The following MOB2 variants were observed in gnomAD, a reference collection of about 807,000 sequenced individuals.
MOB2 encodes the protein MOB kinase activator 2.
A neutral mutation model predicts 27.4 loss-of-function variants in MOB2; 14 were observed. The observed-to-expected ratio is 0.51, with a 90% CI of 0.34 to 0.80. The LOEUF is 0.80. MOB2 is among the 30% of genes least tolerant of loss of function. MOB2 has a pLI of 0.01. For missense variants in MOB2, 304 were observed against 354.6 expected (o/e 0.86, Z 1.15); for synonymous variants, 167 against 151.8 (o/e 1.10, Z -0.74).
chr11:1,474,357 C>T (rs1359918993), intron 3 of MOB2, among the ~76,000 whole-genome samples: 1 of 152,148 alleles, frequency 6.6e-6, no homozygotes, highest in Non-Finnish European at 1.5e-5. Context: ...TCTCTCCCAG[C>T]CTGGAGTTTG....
rs1166552039 is a variant in MOB2 at position 1,470,234 on chromosome 11, C to G, written c.745G>C (p.Gly249Arg). The G allele has an allele frequency of 6.2e-7, 1 of 1,612,420 alleles. No homozygotes were observed. Among genetic ancestry groups the G allele is most frequent in the Non-Finnish European group, 8.5e-7 (1 of 1,179,846 alleles). ...CSGAGGVHSGGSGDGAGSGGP... is the reference protein window; with the variant it reads ...CSGAGGVHSGRSGDGAGSGGP... ...CCGCTGCCGGCCCCATCCCCACTGC[C>G]CCCACTGTGGACCCCGCCGGCCCCG... The change falls in exon 5 of 5, where the codon GGC becomes CGC. Residue 249 changes from glycine to arginine, a missense_variant. Gly to Arg is a moderately radical substitution (Grantham distance 125). Transcript: ENST00000329957.
chr11:1,481,000 G>A (rs1243399648), intron 1 of MOB2, 115 bp from the exon 2 acceptor site: 7 of 1,288,564 alleles, frequency 5.4e-6, no homozygotes, highest in Non-Finnish European at 6.4e-6. Flanking sequence ...GCCCATCGGG[G>A]CGACACTGCC....
Position 1,471,424 on chromosome 11 carries a change from G to A in MOB2, c.366-5C>T. The A allele has an allele frequency of 1.2e-6, 2 of 1,609,366 alleles. No homozygotes were observed. Among genetic ancestry groups the A allele is most frequent in the Non-Finnish European group, 1.7e-6 (2 of 1,177,328 alleles). On this transcript the variant is annotated splice_polypyrimidine_tract_variant and splice_region_variant and intron_variant, in intron 3 of 4. Transcript: ENST00000329957. ...TCGTCATACCAGTAGTACTGTCTGTGGAGACAGAGACACGGTCAGGGCATG... is the reference window on the plus strand; with the variant it reads ...TCGTCATACCAGTAGTACTGTCTGTAGAGACAGAGACACGGTCAGGGCATG...
At position 1,480,495 on chromosome 11, in the gene MOB2, G is replaced by T; in HGVS notation, c.272-9C>A. 6.2e-7 allele frequency: 1 copy of T among 1,613,350 alleles called. No individual in the cohort carries two copies. The highest frequency in any genetic ancestry group is 1.3e-5 in the African/African-American group (1 of 75,072). On this transcript the variant is annotated splice_polypyrimidine_tract_variant and intron_variant, in intron 2 of 4. Coordinates refer to ENST00000329957, the MANE Select transcript of MOB2 (RefSeq NM_001172223.3). ...GTGGAAAAACGTCGTGGCTGGAAGA[G>T]AAGAGAAGGAGCCAGATGTGAAAAA...
Position 1,470,131 on chromosome 11 carries a change from C to A in MOB2, c.*41G>T. On this transcript the variant is annotated 3_prime_UTR_variant, in exon 5 of 5. Coordinates refer to ENST00000329957, the MANE Select transcript of MOB2 (RefSeq NM_001172223.3). ...AGATGCAGGAGAGAACACACACCAC[C>A]GTCTCTTTGCACACGTGTGCCCCTG... is the stretch of plus-strand genomic sequence containing the variant. 6.4e-7 allele frequency: 1 copy of A among 1,556,148 alleles called. No individual in the cohort carries two copies. Among genetic ancestry groups the A allele is most frequent in the Non-Finnish European group, 8.7e-7 (1 of 1,150,896 alleles).
chr11:1,470,251 C>T lies in MOB2; in HGVS notation c.728G>A (p.Gly243Asp). Residue 243 changes from glycine (G) to aspartate (D), a missense_variant, in exon 5 of 5, where the codon GGC becomes GAC. Transcript: ENST00000329957. ...CCCACTGCCCCCACTGTGGACCCCG[C>T]CGGCCCCGCTGCATAGCACCTCGGT... ...DLTEVLCSGA[G>D]GVHSGGSGDG... 1 of 1,612,684 alleles carries T rather than the reference C, an allele frequency of 6.2e-7. No homozygotes were observed. Among genetic ancestry groups the T allele is most frequent in the Non-Finnish European group, 8.5e-7 (1 of 1,179,860 alleles).
At chr11:1,473,512 G>A (rs1243102529) in intron 3 of MOB2, 1 of 152,276 alleles carries the variant, frequency 6.6e-6, no homozygotes, top group African/African-American at 2.4e-5. Flanking sequence ...GCACTCTGCA[G>A]GAGTCAGACA....
chr11:1,483,866 T>C (rs1281766178), intron 1 of MOB2, among the ~76,000 whole-genome samples: 1 of 152,128 alleles, frequency 6.6e-6, no homozygotes, highest in African/African-American at 2.4e-5. Flanking sequence ...CAGGGAGGCA[T>C]CAGAGCTGCT....
At position 1,486,453 on chromosome 11, in the gene MOB2, A is replaced by C; in HGVS notation, c.104T>G (p.Val35Gly). The C allele has an allele frequency of 6.5e-7, 1 of 1,535,474 alleles. No individual in the cohort carries two copies. Among genetic ancestry groups the C allele is most frequent in the Non-Finnish European group, 8.7e-7 (1 of 1,146,460 alleles). Reference sequence around the variant, plus strand: ...CCAGGCTGGCAGGTGTTACCTGAGCACTTTGCTGACAGCCTGAAGCACCAT... The same window carrying C: ...CCAGGCTGGCAGGTGTTACCTGAGCCCTTTGCTGACAGCCTGAAGCACCAT... ...CKMVLQAVSKVLRKSKAKPNG... is the reference protein window; with the variant it reads ...CKMVLQAVSKGLRKSKAKPNG... Residue 35 changes from valine (V) to glycine (G), a missense_variant, in exon 1 of 5, where the codon GTG becomes GGG. Coordinates refer to ENST00000329957, the MANE Select transcript of MOB2 (RefSeq NM_001172223.3).
At chr11:1,486,425 C>T in intron 1 of MOB2, 22 bp downstream of exon 1, 1 of 1,517,554 alleles carries the variant, frequency 6.6e-7, no homozygotes, top group East Asian at 2.5e-5. Context: ...ACCCCTCCCC[C>T]AGCCAGGCTG....
chr11:1,470,033 C>T lies in MOB2; in HGVS notation c.*139G>A. 1 of 1,534,368 alleles carries T rather than the reference C, an allele frequency of 6.5e-7. No individual in the cohort carries two copies. The highest frequency in any genetic ancestry group is 8.7e-7 in the Non-Finnish European group (1 of 1,145,478). ...GGGGCCGTCTGCGTCTGTGCCTGTG[C>T]AGCCCACACCAGTGCAGCCCGGGGC... On this transcript the variant is annotated 3_prime_UTR_variant, in exon 5 of 5. Coordinates refer to ENST00000329957, the MANE Select transcript of MOB2 (RefSeq NM_001172223.3).
intron 4 of MOB2, among the ~76,000 whole-genome samples, chr11:1,470,805 GC>G (rs35234421): frequency 0.28 from 42,492 of 152,118 alleles, 6,975 homozygotes; most frequent in East Asian, 0.63. Context: ...GGGCACTCGG[GC>G]CCCCGTGGTG....
intron 3 of MOB2, 159 bp from the exon 4 acceptor site, chr11:1,471,578 C>CTGCGGGG: frequency 1.2e-6 from 1 of 806,346 alleles, no homozygotes; most frequent in African/African-American, 1.7e-5. Context: ...ACTGTCCCCA[C>CTGCGGGG]ACACTGTCTG....
At position 1,471,279 on chromosome 11, in the gene MOB2, G is replaced by A. The variant is rs756546198; in HGVS notation, c.490+16C>T. The A allele has an allele frequency of 1.2e-6, 2 of 1,607,788 alleles. No individual in the cohort carries two copies. The highest frequency in any genetic ancestry group is 1.7e-6 in the Non-Finnish European group (2 of 1,177,052). On this transcript the variant is annotated intron_variant, in intron 4 of 4. Transcript: ENST00000329957. The stretch of plus-strand genomic sequence containing the variant: ...CCCACTGTGAGGATGACCGCCCAGT[G>A]CTGGGGGAGACGAACCGTATTTTGT...
chr11:1,483,728 C>G (rs1847940442), intron 1 of MOB2, among the ~76,000 whole-genome samples: 1 of 152,258 alleles, frequency 6.6e-6, no homozygotes, highest in Non-Finnish European at 1.5e-5. Flanking sequence ...ATGCCACCCT[C>G]CCCATTCTCG....
chr11:1,483,909 G>A (rs892243128), intron 1 of MOB2, among the ~76,000 whole-genome samples: 6 of 152,184 alleles, frequency 3.9e-5, no homozygotes, highest in Non-Finnish European at 7.3e-5. Context: ...CAACCACACA[G>A]TCAACACACA....
intron 3 of MOB2, among the ~76,000 whole-genome samples, chr11:1,474,224 G>C (rs1564909151): frequency 6.6e-6 from 1 of 152,214 alleles, no homozygotes; most frequent in South Asian, 2.1e-4. Flanking sequence ...TTGGCAAACT[G>C]TCTGCTCATT....
At chr11:1,475,239 C>T (rs1433989197) in intron 3 of MOB2, among the ~76,000 whole-genome samples, 2 of 152,172 alleles carry the variant, frequency 1.3e-5, no homozygotes, top group Non-Finnish European at 2.9e-5. Flanking sequence ...TGCTAATATA[C>T]AGACCTATGA....
chr11:1,484,646 C>T (rs966596275), intron 1 of MOB2, among the ~76,000 whole-genome samples: 21 of 152,102 alleles, frequency 1.4e-4, no homozygotes, highest in Non-Finnish European at 5.9e-5. Flanking sequence ...GGGTGCTTGG[C>T]GCCACCCCCA....
Sources: allele counts gnomAD v4.1 joint callset (sites outside exome capture counted in the v4.1 genomes callset), GRCh38; gene constraint gnomAD v4.1.1; transcripts MANE v1.5; gene names NCBI Gene and HGNC (gene_info 2026-07-23, HGNC 2026-07-21).